VTI1A: variants seen among roughly 807,000 people sequenced by gnomAD.
VTI1A encodes the protein vesicle transport through interaction with t-SNAREs 1A.
In VTI1A, 22 loss-of-function variants were observed where a neutral mutation model predicts 34.9. The observed-to-expected ratio is 0.63, with a 90% confidence interval of 0.45 to 0.90. VTI1A has a LOEUF of 0.90. VTI1A is among the 40% of genes least tolerant of loss of function. VTI1A has a pLI of 0.00. For missense variants in VTI1A, 268 were observed against 275.6 expected (o/e 0.97, Z 0.20); for synonymous variants, 87 against 97.3 (o/e 0.89, Z 0.62).
intron 5 of VTI1A, among the ~76,000 whole-genome samples, chr10:112,648,363 G>T (rs1846884577): frequency 6.6e-6 from 1 of 152,150 alleles, no homozygotes. Flanking sequence ...TGCTATTTGT[G>T]ATATTCAGTG....
At chr10:112,575,674 T>G (rs1321549847) in intron 5 of VTI1A, among the ~76,000 whole-genome samples, 3 of 152,224 alleles carry the variant, frequency 2.0e-5, no homozygotes, top group Admixed American at 2.0e-4. Context: ...ACCTTTTACC[T>G]TATGAAATTA....
At chr10:112,730,826 A>G (rs936307135) in intron 7 of VTI1A, among the ~76,000 whole-genome samples, 1 of 152,206 alleles carries the variant, frequency 6.6e-6, no homozygotes, top group Non-Finnish European at 1.5e-5. Context: ...TGAAATCATC[A>G]AAGACTAAAG....
intron 7 of VTI1A, among the ~76,000 whole-genome samples, chr10:112,701,572 T>C (rs1209876239): frequency 6.6e-6 from 1 of 152,218 alleles, no homozygotes; most frequent in Non-Finnish European, 1.5e-5. Context: ...TTTGCCAAAT[T>C]TCCAAACCTC....
At chr10:112,571,773 TG>T (rs1245384683) in intron 5 of VTI1A, among the ~76,000 whole-genome samples, 1 of 152,162 alleles carries the variant, frequency 6.6e-6, no homozygotes, top group African/African-American at 2.4e-5. Flanking sequence ...AAAGAAAAGA[TG>T]GTGTATACGT....
chr10:112,716,611 A>G (rs1299893852), intron 7 of VTI1A, among the ~76,000 whole-genome samples: 5 of 152,116 alleles, frequency 3.3e-5, no homozygotes, highest in Non-Finnish European at 7.4e-5. Flanking sequence ...TGTTGTGCCC[A>G]GGAGCTACAG....
intron 3 of VTI1A, among the ~76,000 whole-genome samples, chr10:112,490,455 GT>G (rs1357770994): frequency 6.6e-6 from 1 of 152,032 alleles, no homozygotes; most frequent in African/African-American, 2.4e-5. Context: ...CATAAATACT[GT>G]TTTACAGATT....
At chr10:112,613,318 CT>C (rs1291460699) in intron 5 of VTI1A, among the ~76,000 whole-genome samples, 1 of 152,162 alleles carries the variant, frequency 6.6e-6, no homozygotes, top group Non-Finnish European at 1.5e-5. Context: ...TCTTTTCACA[CT>C]TTGGCTCCTA....
chr10:112,594,365 T>C (rs1844534065), intron 5 of VTI1A, among the ~76,000 whole-genome samples: 2 of 152,136 alleles, frequency 1.3e-5, no homozygotes, highest in South Asian at 2.1e-4. Context: ...AAAGAGGAAG[T>C]CAAATTGTCA....
At chr10:112,513,967 AT>A (rs1327133666) in intron 3 of VTI1A, among the ~76,000 whole-genome samples, 1 of 151,552 alleles carries the variant, frequency 6.6e-6, no homozygotes, top group African/African-American at 2.4e-5. Flanking sequence ...TGATGTATAT[AT>A]TTTTTCCCTG....
At chr10:112,537,319 A>ATATATATATATATATATC (rs1850677313) in intron 4 of VTI1A, among the ~76,000 whole-genome samples, 1 of 90,832 alleles carries the variant, frequency 1.1e-5, no homozygotes, top group Non-Finnish European at 2.2e-5. Flanking sequence ...AGGTATATAT[A>ATATATATATATATATATC]TATATATATA....
rs188112594 is a variant in VTI1A at position 112,541,047 on chromosome 10, G to T, written c.427+2717G>T. Among the ~76,000 whole-genome samples, 6 of 152,332 alleles carry T rather than the reference G, an allele frequency of 3.9e-5. No homozygotes were observed. In the East Asian group the frequency reaches 1.2e-3, roughly 29 times the overall value. ...TATTTTATTAATTCACAAGGCTACA[G>T]TTATTTCTAAGATGATGTTTTTCCT... On this transcript the variant is annotated intron_variant, in intron 5 of 7. Transcript: ENST00000393077.
chr10:112,663,455 T>G (rs1847535169), intron 5 of VTI1A, among the ~76,000 whole-genome samples: 1 of 152,252 alleles, frequency 6.6e-6, no homozygotes. Flanking sequence ...TCCATGGGAA[T>G]GGTAATTTGC....
chr10:112,629,154 G>A (rs2134609628), intron 5 of VTI1A, among the ~76,000 whole-genome samples: 1 of 152,372 alleles, frequency 6.6e-6, no homozygotes, highest in East Asian at 1.9e-4. Flanking sequence ...GGGACACTCA[G>A]AGGCCTCAGA....
intron 3 of VTI1A, among the ~76,000 whole-genome samples, chr10:112,512,504 C>A (rs1002390904): frequency 6.6e-6 from 1 of 152,114 alleles, no homozygotes; most frequent in Non-Finnish European, 1.5e-5. Flanking sequence ...GTTTTCTCTT[C>A]ACTCTGTTGA....
chr10:112,619,057 AAC>A (rs941196593), intron 5 of VTI1A, among the ~76,000 whole-genome samples: 6 of 130,696 alleles, frequency 4.6e-5, no homozygotes, highest in African/African-American at 1.7e-4. Flanking sequence ...CACATTAGTA[AAC>A]ACAGTTTTTT....
At chr10:112,513,729 AG>A in intron 3 of VTI1A, among the ~76,000 whole-genome samples, 1 of 18,082 alleles carries the variant, frequency 5.5e-5, no homozygotes, top group Middle Eastern at 0.019. Flanking sequence ...TAATCTGTTG[AG>A]GTTTTTTTAT....
intron 5 of VTI1A, among the ~76,000 whole-genome samples, chr10:112,664,224 T>G (rs572759086): frequency 6.6e-5 from 10 of 152,204 alleles, no homozygotes; most frequent in Non-Finnish European, 1.5e-4. Flanking sequence ...ATGACTAATT[T>G]TTAAAAATGT....
intron 7 of VTI1A, among the ~76,000 whole-genome samples, chr10:112,736,412 T>C (rs1564905559): frequency 6.6e-6 from 1 of 152,158 alleles, no homozygotes; most frequent in Non-Finnish European, 1.5e-5. Flanking sequence ...TCTCTAAGAA[T>C]GGTGCCCGGC....
chr10:112,796,758 G>A (rs926850558), intron 7 of VTI1A, among the ~76,000 whole-genome samples: 4 of 152,188 alleles, frequency 2.6e-5, no homozygotes, highest in Non-Finnish European at 5.9e-5. Flanking sequence ...ACAGCCAAGC[G>A]TCTCCTGTCA....
Sources: gnomAD v4.1 joint callset for allele counts (sites outside exome capture counted in the v4.1 genomes callset) on GRCh38, gnomAD v4.1.1 for gene constraint, MANE v1.5 for transcripts, NCBI Gene and HGNC (gene_info 2026-07-23, HGNC 2026-07-21) for gene names.